DCTN1: variants seen among roughly 807,000 people sequenced by gnomAD.
DCTN1 encodes 150 kDa dynein-associated polypeptide.
DCTN1 carries 61 observed loss-of-function variants against 161.2 expected under a neutral mutation model. The ratio of observed to expected loss-of-function variants is 0.38; its 90% CI spans 0.31 to 0.47. The LOEUF is 0.47. DCTN1 is among the 20% of genes least tolerant of loss of function. DCTN1 has a pLI of 0.99. For synonymous variants in DCTN1, 653 were observed against 632.4 expected (o/e 1.03, Z -0.49); for missense variants, 1,404 against 1,623.7 (o/e 0.86, Z 2.33).
In DCTN1 at chr2:74,363,142, G is replaced by C; in HGVS notation, c.3381C>G (p.Pro1127=). ...AQMKASLASL[P]PLHVAKLSHE... is the part of the protein sequence containing the mutation. The stretch of plus-strand genomic sequence containing the variant: ...GGGATAGCTTTGCAACATGCAGAGG[G>C]GGCAGGGATGCCAAGGATGCCTTCA... The change falls in exon 29 of 32, where the codon CCC becomes CCG. Residue 1127 remains proline, a synonymous_variant. Coordinates refer to ENST00000628224, the MANE Select transcript of DCTN1 (RefSeq NM_004082.5). 1 of 1,614,160 alleles carries C rather than the reference G, an allele frequency of 6.2e-7. No individual in the cohort carries two copies. The highest frequency in any genetic ancestry group is 8.5e-7 in the Non-Finnish European group (1 of 1,180,020).
At chr2:74,362,829 A>C in intron 29 of DCTN1, 100 bp from the exon 30 acceptor site, 1 of 1,324,168 alleles carries the variant, frequency 7.6e-7, no homozygotes, top group Non-Finnish European at 1.1e-6. Context: ...CTAACAGAAC[A>C]AGTACTTGAG....
At chr2:74,374,759 T>C in intron 5 of DCTN1, 2 of 1,133,592 alleles carry the variant, frequency 1.8e-6, no homozygotes, top group Non-Finnish European at 2.2e-6. Flanking sequence ...CTAGCAACCA[T>C]CTAGGGCTTT....
At chr2:74,376,683 C>G in intron 5 of DCTN1, 59 bp downstream of exon 5, 1 of 1,525,012 alleles carries the variant, frequency 6.6e-7, no homozygotes, top group Non-Finnish European at 9.0e-7. Context: ...ACATGCAGGA[C>G]AGCTGGGGAA....
At chr2:74,365,714 T>G (rs1674355875) in intron 24 of DCTN1, 57 bp from the exon 25 acceptor site, 11 of 1,613,508 alleles carry the variant, frequency 6.8e-6, no homozygotes, top group Admixed American at 1.7e-5. Flanking sequence ...CCCTGGAAAC[T>G]GGGGGCTAGA....
At chr2:74,382,723 G>A (rs1675564621), upstream of DCTN1, among the ~76,000 whole-genome samples, 1 of 152,054 alleles carries the variant, frequency 6.6e-6, no homozygotes, top group African/African-American at 2.4e-5. Flanking sequence ...ACAGGAGAGA[G>A]GTGAGCTAGA....
At position 74,380,106 on chromosome 2, in the gene DCTN1, C is replaced by T. The variant is rs1043877814; in HGVS notation, c.-69G>A. On this transcript the variant is annotated 5_prime_UTR_variant, in exon 1 of 32. Coordinates refer to ENST00000628224, the MANE Select transcript of DCTN1 (RefSeq NM_004082.5). ...CAGAGAGAAAAGGTAGAAACCTAGG[C>T]AGGAGGGTCAGGGCGCTGGGCCCTC... 2 of 1,569,118 alleles carry T rather than the reference C, an allele frequency of 1.3e-6. No individual in the cohort carries two copies. The highest frequency in any genetic ancestry group is 2.7e-5 in the African/African-American group (2 of 74,006).
In DCTN1 at chr2:74,366,369, CA is replaced by C. The variant is rs1674411809; in HGVS notation, c.2634del (p.Tyr878Ter). 1 of 1,614,092 alleles carries C rather than the reference CA, an allele frequency of 6.2e-7. No individual in the cohort carries two copies. The highest frequency in any genetic ancestry group is 1.3e-5 in the African/African-American group (1 of 74,938). The part of the protein sequence containing the change: ...ELAFKASEQI[Y>X]GTPSSSPYEC... ...TCATAGGGGCTGCTGGAGGGGGTCCCATAGATCTGCAGGAGCCAAGGGCAGA... is the reference window on the plus strand; with the variant it reads ...TCATAGGGGCTGCTGGAGGGGGTCCCTAGATCTGCAGGAGCCAAGGGCAGA... On this transcript the variant is annotated frameshift_variant, in exon 23 of 32. Coordinates refer to ENST00000628224, the MANE Select transcript of DCTN1 (RefSeq NM_004082.5). LOFTEE classifies it high-confidence loss of function.
chr2:74,361,264 C>T lies in DCTN1; in HGVS notation c.*235G>A, dbSNP rs1380619839. 1.5e-6 allele frequency: 1 copy of T among 680,448 alleles called. No homozygotes were observed. The highest frequency in any genetic ancestry group is 2.6e-6 in the Non-Finnish European group (1 of 378,590). 42.2% of individuals were successfully genotyped at this position (680,448 alleles called of 1,614,324 possible). A position where few individuals can be genotyped will look rare whatever the true frequency, so the allele number is the denominator to read the frequency against. On this transcript the variant is annotated 3_prime_UTR_variant, in exon 32 of 32. Transcript: ENST00000628224. Reference sequence around the variant, plus strand: ...CTACCCCCCACAAGCCCTGAGGCCCCTCAGGAAGGAGGGAGCAGTTGAACA... The same window carrying T: ...CTACCCCCCACAAGCCCTGAGGCCCTTCAGGAAGGAGGGAGCAGTTGAACA...
chr2:74,377,418 C>G lies in DCTN1; in HGVS notation c.393+14G>C. The stretch of plus-strand genomic sequence containing the variant: ...CCCTTTATTATTCCCCATTCCCACC[C>G]CCAAATCACTCACCAGTTTGCTAGT... On this transcript the variant is annotated intron_variant, in intron 4 of 31. Coordinates refer to ENST00000628224, the MANE Select transcript of DCTN1 (RefSeq NM_004082.5). 6.2e-7 allele frequency: 1 copy of G among 1,611,846 alleles called. No individual in the cohort carries two copies. The highest frequency in any genetic ancestry group is 8.5e-7 in the Non-Finnish European group (1 of 1,177,932).
chr2:74,373,185 T>C (rs1674995273), intron 6 of DCTN1: 3 of 606,992 alleles, frequency 4.9e-6, no homozygotes, highest in Non-Finnish European at 6.0e-6. Flanking sequence ...TGTCCAATCC[T>C]TGCAGGCCTC....
Position 74,362,153 on chromosome 2 carries a change from G to A in DCTN1, c.3610-12C>T. On this transcript the variant is annotated splice_polypyrimidine_tract_variant and intron_variant, in intron 30 of 31. Transcript: ENST00000628224. Reference sequence around the variant, plus strand: ...TTGAGGACCTCATCCTAGGGAAGGGGAGAGGAAGACAAGGGTTCATTTATG... The same window carrying A: ...TTGAGGACCTCATCCTAGGGAAGGGAAGAGGAAGACAAGGGTTCATTTATG... 1 of 1,612,794 alleles carries A rather than the reference G, an allele frequency of 6.2e-7. No homozygotes were observed. The highest frequency in any genetic ancestry group is 8.5e-7 in the Non-Finnish European group (1 of 1,179,050).
intron 8 of DCTN1, 50 bp from the exon 9 acceptor site, chr2:74,371,226 AC>A (rs1449386332): frequency 6.2e-7 from 1 of 1,609,160 alleles, no homozygotes; most frequent in Admixed American, 1.7e-5. Context: ...CCTCCTCTCC[AC>A]CAACACTGAG....
chr2:74,369,601 G>A lies in DCTN1; in HGVS notation c.1393-110C>T, dbSNP rs2002262. ...GGAGGTCAAAGCAGGCGGATCATGA[G>A]GTCGAGATCGAGATCATGCTGGCCA... On this transcript the variant is annotated intron_variant, in intron 13 of 31. Transcript: ENST00000628224. The surrounding 1 kb of genome is among the most constrained non-coding windows in gnomAD (Gnocchi z 4.9). 9.0e-7 allele frequency: 1 copy of A among 1,107,536 alleles called. No individual in the cohort carries two copies. The highest frequency in any genetic ancestry group is 1.4e-6 in the Non-Finnish European group (1 of 731,530). The allele number at this position is 1,107,536 out of a possible 1,614,324, so 68.6% of individuals were successfully genotyped here. A position where few individuals can be genotyped will look rare whatever the true frequency, so the allele number is the denominator to read the frequency against.
chr2:74,381,880 G>T (rs1415647149), upstream of DCTN1, among the ~76,000 whole-genome samples: 1 of 152,210 alleles, frequency 6.6e-6, no homozygotes, highest in African/African-American at 2.4e-5. Context: ...CTAAATAAAA[G>T]TTAGCTAAGA....
chr2:74,391,362 A>C (rs1159141570), intron 1 of DCTN1: 1 of 190,378 alleles, frequency 5.3e-6, no homozygotes, highest in African/African-American at 2.4e-5. Context: ...CTTGCCAGCT[A>C]AGGCGGACCC....
At position 74,361,437 on chromosome 2, in the gene DCTN1, G is replaced by A. The variant is rs1230904658; in HGVS notation, c.*62C>T. 2 of 1,610,744 alleles carry A rather than the reference G, an allele frequency of 1.2e-6. No homozygotes were observed. Among genetic ancestry groups the A allele is most frequent in the Non-Finnish European group, 1.7e-6 (2 of 1,178,946 alleles). On this transcript the variant is annotated 3_prime_UTR_variant, in exon 32 of 32. Coordinates refer to ENST00000628224, the MANE Select transcript of DCTN1 (RefSeq NM_004082.5). ...CCTGGGGGCTGGCTGAGGTGGCTGT[G>A]CATCGGGCAGAGCGGCACCAGAGGG... is the stretch of plus-strand genomic sequence containing the variant.
intron 21 of DCTN1, 36 bp from the exon 22 acceptor site, chr2:74,366,656 G>A: frequency 6.2e-7 from 1 of 1,613,238 alleles, no homozygotes; most frequent in Non-Finnish European, 8.5e-7. Context: ...TCAACCCTGG[G>A]TTCAGCACCA....
In DCTN1 at chr2:74,362,711, G is replaced by A. The variant is rs1457561025; in HGVS notation, c.3548C>T (p.Ala1183Val). Reference sequence around the variant, plus strand: ...CTGAGCCACTTGCTCCATAAGTTGGGCCGACGGGCTCTTGGCAGCTGTGGG... The same window carrying A: ...CTGAGCCACTTGCTCCATAAGTTGGACCGACGGGCTCTTGGCAGCTGTGGG... ...RTSPAAKSPS[A>V]QLMEQVAQLK... Residue 1183 changes from alanine (A) to valine (V), a missense_variant, in exon 30 of 32, where the codon GCC (alanine) becomes GTC (valine). Coordinates refer to ENST00000628224, the MANE Select transcript of DCTN1 (RefSeq NM_004082.5). The A allele has an allele frequency of 6.2e-7, 1 of 1,613,914 alleles. No individual in the cohort carries two copies. Among genetic ancestry groups the A allele is most frequent in the African/African-American group, 1.3e-5 (1 of 74,932 alleles).
Position 74,369,231 on chromosome 2 carries a change from TGAAGCACAGC to T in DCTN1, c.1585-27_1585-18del, listed in dbSNP as rs1335202204. 1 of 1,614,006 alleles carries T rather than the reference TGAAGCACAGC, an allele frequency of 6.2e-7. No individual in the cohort carries two copies. The highest frequency in any genetic ancestry group is 8.5e-7 in the Non-Finnish European group (1 of 1,180,006). ...ATTCACATCCTAGGAGGAGAGACAG[TGAAGCACAGC>T]TGGGTCATAAGGAAGCCCTGGGGTG... is the stretch of plus-strand genomic sequence containing the variant. On this transcript the variant is annotated intron_variant, in intron 14 of 31. Transcript: ENST00000628224. This position sits in a 1 kb window ranked among gnomAD's most constrained non-coding sequence, Gnocchi z 4.9.
Sources: gnomAD v4.1 joint callset for allele counts (sites outside exome capture counted in the v4.1 genomes callset) on GRCh38, gnomAD v4.1.1 for gene constraint, Gnocchi (gnomAD v3.1) non-coding constraint, MANE v1.5 for transcripts, NCBI Gene and HGNC (gene_info 2026-07-23, HGNC 2026-07-21) for gene names.